ITIH5: variants seen among roughly 807,000 people sequenced by gnomAD.
ITIH5 encodes inter-alpha-trypsin inhibitor heavy chain 5.
In ITIH5, 65 loss-of-function variants were observed where a neutral mutation model predicts 77.5. The ratio of observed to expected loss-of-function variants is 0.84; its 90% CI spans 0.69 to 1.03. The LOEUF (loss-of-function observed/expected upper bound fraction) is 1.03. ITIH5 is among the 50% of genes least tolerant of loss of function. The pLI is 0.00. For synonymous variants in ITIH5, 525 were observed against 494.3 expected, an observed-to-expected ratio of 1.06 and a Z score of -0.82; for missense variants, 1,208 against 1,213.1, an observed-to-expected ratio of 1.00 and a Z score of 0.06.
intron 1 of ITIH5, among the ~76,000 whole-genome samples, chr10:7,655,924 C>T (rs1223724890): frequency 6.6e-6 from 1 of 152,146 alleles, no homozygotes; most frequent in Non-Finnish European, 1.5e-5. Flanking sequence ...TATCTCATCG[C>T]CTGAGCATTC....
intron 8 of ITIH5, among the ~76,000 whole-genome samples, chr10:7,584,874 C>G (rs969059339): frequency 2.6e-5 from 4 of 152,186 alleles, no homozygotes; most frequent in Non-Finnish European, 2.9e-5. Context: ...TCCCATCAAA[C>G]ACCAAAACAG....
At position 7,577,015 on chromosome 10, in the gene ITIH5, G is replaced by T. The variant is rs201498829; in HGVS notation, c.1419-3C>A. On this transcript the variant is annotated splice_polypyrimidine_tract_variant and splice_region_variant and intron_variant, in intron 9 of 13. Coordinates refer to ENST00000397146, the MANE Select transcript of ITIH5 (RefSeq NM_030569.7). ...GGGTCCTGATTTCATCGTAGAACCTGCAGTGGAAGCACAGGGAGGGAGGGA... is the reference window on the plus strand; with the variant it reads ...GGGTCCTGATTTCATCGTAGAACCTTCAGTGGAAGCACAGGGAGGGAGGGA... The T allele has an allele frequency of 2.4e-5, 39 of 1,603,404 alleles. No individual in the cohort carries two copies. Among genetic ancestry groups the T allele is most frequent in the Non-Finnish European group, 3.0e-5 (35 of 1,172,990 alleles).
At chr10:7,664,114 G>C (rs1203463521) in intron 1 of ITIH5, among the ~76,000 whole-genome samples, 1 of 152,180 alleles carries the variant, frequency 6.6e-6, no homozygotes, top group Non-Finnish European at 1.5e-5. Flanking sequence ...TATTCAAAGT[G>C]TGCGGCTAGG....
chr10:7,561,440 C>T lies in ITIH5; in HGVS notation c.*1643G>A, dbSNP rs1284563971. The T allele has an allele frequency of 6.6e-6, 1 of 152,298 alleles. No individual in the cohort carries two copies. Among genetic ancestry groups the T allele is most frequent in the African/African-American group, 2.4e-5 (1 of 41,462 alleles). The allele number at this position is 152,298 out of a possible 1,614,324, so 9.4% of individuals were successfully genotyped here. A position where few individuals can be genotyped will look rare whatever the true frequency, so the allele number is the denominator to read the frequency against. On this transcript the variant is annotated 3_prime_UTR_variant, in exon 14 of 14. Transcript: ENST00000397146. ...AGCTGCCGCTCCCTTTCTCTGAGCT[C>T]TACAGTCTGAAAGCATCTGTCAGCA...
chr10:7,635,300 C>T (rs760469833), intron 5 of ITIH5, among the ~76,000 whole-genome samples: 11 of 152,228 alleles, frequency 7.2e-5, no homozygotes, highest in African/African-American at 2.6e-4. Context: ...TGCGGCCAAC[C>T]CTTTACATAC....
Position 7,577,025 on chromosome 10 carries a change from C to G in ITIH5, c.1419-13G>C. The G allele has an allele frequency of 6.3e-7, 1 of 1,595,550 alleles. No individual in the cohort carries two copies. The highest frequency in any genetic ancestry group is 1.3e-5 in the African/African-American group (1 of 74,646). The stretch of plus-strand genomic sequence containing the variant: ...TTCATCGTAGAACCTGCAGTGGAAG[C>G]ACAGGGAGGGAGGGAGATCAGGGCC... On this transcript the variant is annotated splice_polypyrimidine_tract_variant and intron_variant, in intron 9 of 13. Transcript: ENST00000397146.
chr10:7,648,142 G>A lies in ITIH5; in HGVS notation c.136-6052C>T, dbSNP rs1221097268. Among the ~76,000 whole-genome samples the A allele has an allele frequency of 2.6e-5, 4 of 151,682 alleles. No individual in the cohort carries two copies. The East Asian group carries it at 7.7e-4, about 29-fold the overall frequency. On this transcript the variant is annotated intron_variant, in intron 2 of 13. Transcript: ENST00000397146. ...GTGGCGGGCACCAGCTACTCAGGAGGCTGAGGCAGGAGAATAGCGTGAACC... is the reference window on the plus strand; with the variant it reads ...GTGGCGGGCACCAGCTACTCAGGAGACTGAGGCAGGAGAATAGCGTGAACC...
intron 7 of ITIH5, among the ~76,000 whole-genome samples, chr10:7,613,681 A>G (rs368230522): frequency 2.0e-5 from 3 of 152,236 alleles, no homozygotes; most frequent in Admixed American, 2.0e-4. Flanking sequence ...GAGAAAAAAA[A>G]TCTGAGAGAA....
chr10:7,597,044 C>CAAAAAAAAAAA lies in ITIH5; in HGVS notation c.940-10986_940-10976dup, dbSNP rs71383924. Among the ~76,000 whole-genome samples the CAAAAAAAAAAA allele has an allele frequency of 4.3e-4, 16 of 36,924 alleles. 2 individuals are homozygous for CAAAAAAAAAAA. The highest frequency in any genetic ancestry group is 9.4e-4 in the Admixed American group (2 of 2,136). 24.2% of individuals were successfully genotyped at this position (36,924 alleles called of 152,430 possible). A position where few individuals can be genotyped will look rare whatever the true frequency, so the allele number is the denominator to read the frequency against. ...CTGGGTGCAGAGTGAGTCTCCAACT[C>CAAAAAAAAAAA]AAAAAAAAAAAAAAAAAAAATTCCA... is the stretch of plus-strand genomic sequence containing the variant. On this transcript the variant is annotated intron_variant, in intron 7 of 13. Transcript: ENST00000397146.
intron 7 of ITIH5, among the ~76,000 whole-genome samples, chr10:7,593,512 C>A (rs1440494558): frequency 4.1e-5 from 1 of 24,380 alleles, no homozygotes; most frequent in Admixed American, 4.6e-4. Context: ...CTGTAGACTG[C>A]AGCCACCCAG....
At chr10:7,569,610 G>A (rs994215870) in intron 12 of ITIH5, 58 bp downstream of exon 12, 17 of 1,062,576 alleles carry the variant, frequency 1.6e-5, no homozygotes, top group Non-Finnish European at 2.4e-5. Flanking sequence ...AAGAACAGAG[G>A]GGGATGCAGT....
At chr10:7,636,702 C>T (rs796564983) in intron 5 of ITIH5, among the ~76,000 whole-genome samples, 14 of 151,990 alleles carry the variant, frequency 9.2e-5, no homozygotes, top group African/African-American at 3.4e-4. Flanking sequence ...ATTATTGCAT[C>T]AATAACTCAT....
chr10:7,581,943 TTG>T, intron 8 of ITIH5, among the ~76,000 whole-genome samples: 1 of 149,484 alleles, frequency 6.7e-6, no homozygotes, highest in Non-Finnish European at 1.5e-5. Context: ...TGGCGTGATC[TTG>T]GCTCACTGCA....
intron 7 of ITIH5, among the ~76,000 whole-genome samples, chr10:7,597,278 G>A (rs1357237474): frequency 6.6e-6 from 1 of 152,112 alleles, no homozygotes; most frequent in Non-Finnish European, 1.5e-5. Context: ...TGTCTGTACT[G>A]TCCTTGGGCC....
At chr10:7,568,082 G>C (rs1348661190) in intron 12 of ITIH5, among the ~76,000 whole-genome samples, 2 of 152,036 alleles carry the variant, frequency 1.3e-5, no homozygotes, top group Non-Finnish European at 2.9e-5. Flanking sequence ...CAGGCCCCAG[G>C]GTTCCGTGCT....
At position 7,562,912 on chromosome 10, in the gene ITIH5, C is replaced by CAA; in HGVS notation, c.*170_*171insTT. On this transcript the variant is annotated 3_prime_UTR_variant, in exon 14 of 14. Coordinates refer to ENST00000397146, the MANE Select transcript of ITIH5 (RefSeq NM_030569.7). ...TGCACTCAGGCTTCCCGCCCCTACC[C>CAA]ACCCCTACCCTTCGCCCAGACAGAC... The CAA allele has an allele frequency of 5.1e-6, 3 of 590,786 alleles. No individual in the cohort carries two copies. The highest frequency in any genetic ancestry group is 9.4e-6 in the Non-Finnish European group (3 of 320,798). The allele number at this position is 590,786 out of a possible 1,614,324, so 36.6% of individuals were successfully genotyped here.
chr10:7,575,677 A>G (rs1832396424), intron 10 of ITIH5, among the ~76,000 whole-genome samples: 1 of 152,032 alleles, frequency 6.6e-6, no homozygotes, highest in Admixed American at 6.5e-5. Context: ...GAAAGACCGG[A>G]TTCTTGCAAG....
At chr10:7,605,927 T>C (rs1225401449) in intron 7 of ITIH5, among the ~76,000 whole-genome samples, 4 of 152,180 alleles carry the variant, frequency 2.6e-5, no homozygotes, top group Non-Finnish European at 5.9e-5. Flanking sequence ...GAAACTAGGC[T>C]TTTCTGTGAT....
At position 7,576,500 on chromosome 10, in the gene ITIH5, CCCATGGCAGCCGACATG is replaced by C; in HGVS notation, c.1914_1930del (p.Met639ThrfsTer28). 1 of 1,610,044 alleles carries C rather than the reference CCCATGGCAGCCGACATG, an allele frequency of 6.2e-7. No individual in the cohort carries two copies. Among genetic ancestry groups the C allele is most frequent in the Non-Finnish European group, 8.5e-7 (1 of 1,179,816 alleles). ...CACGCTCTGCACCACCGGTTCGGGTCCCATGGCAGCCGACATGCCGTGGGCCTCCTCCAGGCCATCCA... is the reference window on the plus strand; with the variant it reads ...CACGCTCTGCACCACCGGTTCGGGTCCCGTGGGCCTCCTCCAGGCCATCCA... On this transcript the variant is annotated frameshift_variant, in exon 10 of 14. Transcript: ENST00000397146. LOFTEE classifies it high-confidence loss of function.
Sources: gnomAD v4.1 joint callset for allele counts (sites outside exome capture counted in the v4.1 genomes callset) on GRCh38, gnomAD v4.1.1 for gene constraint, MANE v1.5 for transcripts, NCBI Gene and HGNC (gene_info 2026-07-23, HGNC 2026-07-21) for gene names.